The following ANXA3 variants were observed in gnomAD, a reference collection of about 807,000 sequenced individuals.
ANXA3 encodes annexin A3.
ANXA3 carries 46 observed loss-of-function variants against 48.8 expected under a neutral mutation model. The observed-to-expected ratio is 0.94, with a 90% CI of 0.74 to 1.21. ANXA3 has a LOEUF of 1.21. Ranked by LOEUF, ANXA3 falls within the 50% of genes most tolerant of loss-of-function variation. The probability of loss-of-function intolerance (pLI) is 0.00; values close to 1 mark genes in which losing one functional copy is unlikely to be tolerated. For synonymous variants in ANXA3, 128 were observed against 134.7 expected, an observed-to-expected ratio of 0.95 and a Z score of 0.35; for missense variants, 383 against 378.6, an observed-to-expected ratio of 1.01 and a Z score of -0.10.
intron 9 of ANXA3, among the ~76,000 whole-genome samples, chr4:78,596,265 G>A (rs1188365609): frequency 6.6e-6 from 1 of 152,250 alleles, no homozygotes; most frequent in East Asian, 1.9e-4. Context: ...AGAAAAGCCA[G>A]ACACTGCAGG....
rs138487356 is a variant in ANXA3 at position 78,606,725 on chromosome 4, C to T, written c.912+2326C>T. Among the ~76,000 whole-genome samples, 1,117 of 152,310 alleles carry T rather than the reference C, an allele frequency of 7.3e-3. 12 individuals are homozygous for T. Among genetic ancestry groups the T allele is most frequent in the Middle Eastern group, 0.014 (4 of 294 alleles). On this transcript the variant is annotated intron_variant, in intron 12 of 12. Coordinates refer to ENST00000264908, the MANE Select transcript of ANXA3 (RefSeq NM_005139.3). ...CATCAATCAGTCAACTAGATTCATT[C>T]ACTAAAATCTCTCTCTCTCTCTTTT...
At position 78,586,326 on chromosome 4, in the gene ANXA3, G is replaced by A. The variant is rs568743549; in HGVS notation, c.379G>A (p.Asp127Asn). 4.3e-6 allele frequency: 7 copies of A among 1,613,328 alleles called. No individual in the cohort carries two copies. In the South Asian group the frequency reaches 6.6e-5, roughly 15 times the overall value. The change falls in exon 6 of 13, where the codon GAT becomes AAT. Residue 127 changes from aspartate (D) to asparagine (N), a missense_variant. Transcript: ENST00000264908. ...LTTRTSRQMK[D>N]ISQAYYTVYK... ...TACCAGGACAAGCAGGCAAATGAAG[G>A]ATATCTCTCAAGCCTATTATACAGG... is the stretch of plus-strand genomic sequence containing the variant.
intron 1 of ANXA3, among the ~76,000 whole-genome samples, chr4:78,554,200 C>G (rs1722462633): frequency 6.6e-6 from 1 of 151,722 alleles, no homozygotes; most frequent in South Asian, 2.1e-4. Context: ...AGATTTTTTT[C>G]TGTCTCTTGT....
At chr4:78,560,775 G>GCAAT (rs1722610975) in intron 2 of ANXA3, among the ~76,000 whole-genome samples, 2 of 152,034 alleles carry the variant, frequency 1.3e-5, no homozygotes, top group Admixed American at 6.5e-5. Flanking sequence ...CACCCCAATT[G>GCAAT]CATCACAAAG....
chr4:78,554,930 G>T (rs1461825917), intron 2 of ANXA3, among the ~76,000 whole-genome samples: 1 of 152,204 alleles, frequency 6.6e-6, no homozygotes, highest in African/African-American at 2.4e-5. Context: ...AATGGGCCGG[G>T]TGTGGTGGCT....
At chr4:78,552,013 A>G (rs1002882169) in intron 1 of ANXA3, 154 bp downstream of exon 1, 2 of 152,312 alleles carry the variant, frequency 1.3e-5, no homozygotes, top group African/African-American at 4.8e-5. Context: ...CCCGGCCCCA[A>G]CCCAGCTGCG....
chr4:78,552,371 G>C (rs146978067), intron 1 of ANXA3: 2 of 152,314 alleles, frequency 1.3e-5, no homozygotes, highest in African/African-American at 4.8e-5. Flanking sequence ...CCCTCACATA[G>C]GCAATTTATT....
rs150941496 is a variant in ANXA3 at position 78,591,577 on chromosome 4, C to T, written c.437C>T (p.Ser146Phe). Reference sequence around the variant, plus strand: ...AAGAGTCTTGGAGATGACATTAGTTCCGAAACATCTGGTGACTTCCGGAAA... The same window carrying T: ...AAGAGTCTTGGAGATGACATTAGTTTCGAAACATCTGGTGACTTCCGGAAA... ...YKKSLGDDISSETSGDFRKAL... is the reference protein window; with the variant it reads ...YKKSLGDDISFETSGDFRKAL... Residue 146 changes from serine (S) to phenylalanine (F), a missense_variant, in exon 7 of 13, where the codon TCC (serine) becomes TTC (phenylalanine). By Grantham distance (155) the Ser-to-Phe change is radical (BLOSUM62 -2). Coordinates refer to ENST00000264908, the MANE Select transcript of ANXA3 (RefSeq NM_005139.3). The T allele has an allele frequency of 1.2e-4, 199 of 1,613,662 alleles. No homozygotes were observed. Among genetic ancestry groups the T allele is most frequent in the Non-Finnish European group, 4.9e-5 (58 of 1,179,690 alleles).
intron 2 of ANXA3, 77 bp from the exon 3 acceptor site, chr4:78,573,103 G>T: frequency 9.5e-7 from 1 of 1,056,010 alleles, no homozygotes. Context: ...CCTCTCATAT[G>T]CATGAAGGAA....
In ANXA3 at chr4:78,575,334, G is replaced by A. The variant is rs72659071; in HGVS notation, c.103+2067G>A. 9.1e-3 allele frequency among the ~76,000 whole-genome samples: 1,378 copies of A among 151,822 alleles called. 7 individuals are homozygous for A. The highest frequency in any genetic ancestry group is 0.013 in the Non-Finnish European group (916 of 67,952). ...TTTTTTTTTTAACATTGGTGACATGGTTTGGCCCTGTGTCCCCACCCAAAT... is the reference window on the plus strand; with the variant it reads ...TTTTTTTTTTAACATTGGTGACATGATTTGGCCCTGTGTCCCCACCCAAAT... On this transcript the variant is annotated intron_variant, in intron 3 of 12. Transcript: ENST00000264908.
At chr4:78,590,057 C>T (rs1240519627) in intron 6 of ANXA3, among the ~76,000 whole-genome samples, 1 of 152,090 alleles carries the variant, frequency 6.6e-6, no homozygotes, top group Non-Finnish European at 1.5e-5. Flanking sequence ...ACTCTAATAT[C>T]CCACAAAATA....
intron 2 of ANXA3, among the ~76,000 whole-genome samples, chr4:78,558,934 A>G (rs1399856374): frequency 2.0e-5 from 3 of 152,144 alleles, no homozygotes; most frequent in Non-Finnish European, 2.9e-5. Context: ...TCTGTTATAC[A>G]ATGCTGGCTT....
intron 1 of ANXA3, among the ~76,000 whole-genome samples, chr4:78,553,146 C>CA (rs1234778258): frequency 6.6e-6 from 1 of 152,160 alleles, no homozygotes; most frequent in African/African-American, 2.4e-5. Flanking sequence ...AAGGCAGAAG[C>CA]ATGGGGGTTA....
intron 7 of ANXA3, among the ~76,000 whole-genome samples, chr4:78,593,082 G>A (rs1349188988): frequency 1.3e-5 from 2 of 149,974 alleles, no homozygotes; most frequent in African/African-American, 4.9e-5. Flanking sequence ...TTTCCATAAT[G>A]TGCTTAAGTA....
At chr4:78,559,371 C>T (rs1428781764) in intron 2 of ANXA3, among the ~76,000 whole-genome samples, 1 of 152,190 alleles carries the variant, frequency 6.6e-6, no homozygotes, top group Non-Finnish European at 1.5e-5. Flanking sequence ...GTGTGAGCCA[C>T]CACACCCAGT....
At chr4:78,572,220 C>G (rs183886282) in intron 2 of ANXA3, among the ~76,000 whole-genome samples, 1 of 152,208 alleles carries the variant, frequency 6.6e-6, no homozygotes, top group Non-Finnish European at 1.5e-5. Flanking sequence ...TCTAGAGAAC[C>G]AATGTTTTAT....
At chr4:78,559,905 G>A (rs1427826389) in intron 2 of ANXA3, among the ~76,000 whole-genome samples, 1 of 152,196 alleles carries the variant, frequency 6.6e-6, no homozygotes, top group Non-Finnish European at 1.5e-5. Flanking sequence ...TAATCAGCAT[G>A]ATTTCAATAT....
intron 3 of ANXA3, among the ~76,000 whole-genome samples, chr4:78,575,079 T>C (rs1349943375): frequency 6.6e-6 from 1 of 152,222 alleles, no homozygotes; most frequent in African/African-American, 2.4e-5. Flanking sequence ...TATCTTATAC[T>C]GCATGTGTGT....
chr4:78,585,446 T>C (rs919969094), intron 5 of ANXA3, among the ~76,000 whole-genome samples: 11 of 152,222 alleles, frequency 7.2e-5, no homozygotes, highest in African/African-American at 2.7e-4. Flanking sequence ...ACTCCCTCAC[T>C]CTAAGGATAC....
Sources: allele counts gnomAD v4.1 joint callset (sites outside exome capture counted in the v4.1 genomes callset), GRCh38; gene constraint gnomAD v4.1.1; transcripts MANE v1.5; gene names NCBI Gene and HGNC (gene_info 2026-07-23, HGNC 2026-07-21).